XIRP2: variants seen among roughly 807,000 people sequenced by gnomAD.
XIRP2 encodes xin actin-binding repeat-containing protein 2.
A neutral mutation model predicts 277.0 loss-of-function variants in XIRP2; 236 were observed. That is an observed-to-expected ratio of 0.85 (90% CI 0.77 to 0.95). The LOEUF (loss-of-function observed/expected upper bound fraction) is 0.95, where lower values mean the gene tolerates loss of function less well. XIRP2 is among the 40% of genes least tolerant of loss of function. The pLI, the probability that XIRP2 is intolerant of heterozygous loss-of-function variation, is 0.00. For missense variants in XIRP2, 4,640 were observed against 4,157.5 expected (o/e 1.12, Z -3.19); for synonymous variants, 1,490 against 1,416.5 (o/e 1.05, Z -1.17).
At chr2:167,114,997 C>G (rs558912418) in intron 2 of XIRP2, among the ~76,000 whole-genome samples, 5 of 152,222 alleles carry the variant, frequency 3.3e-5, no homozygotes, top group Non-Finnish European at 7.4e-5. Flanking sequence ...ATTTCTAGTT[C>G]TAGATCCCTG....
intron 2 of XIRP2, among the ~76,000 whole-genome samples, chr2:166,972,672 T>G (rs1402436389): frequency 6.6e-6 from 1 of 152,118 alleles, no homozygotes; most frequent in African/African-American, 2.4e-5. Flanking sequence ...AAAGCAGTTA[T>G]TTGATGACAG....
Position 166,945,202 on chromosome 2 carries a change from T to C in XIRP2, c.408+41312T>C, listed in dbSNP as rs183799129. Among the ~76,000 whole-genome samples the C allele has an allele frequency of 3.3e-5, 5 of 152,278 alleles. No individual in the cohort carries two copies. In the East Asian group the frequency reaches 5.8e-4, roughly 18 times the overall value. ...TAGTAGGTTACCAAAGTAAGGAGTA[T>C]GAGAAAGTCTTCTGGGCAGACAAAA... On this transcript the variant is annotated intron_variant, in intron 2 of 10. Coordinates refer to ENST00000409195, the MANE Select transcript of XIRP2 (RefSeq NM_152381.6).
At position 167,258,855 on chromosome 2, in the gene XIRP2, C is replaced by T. The variant is rs753859739; in HGVS notation, c.*1038C>T. 1.9e-6 allele frequency: 3 copies of T among 1,613,160 alleles called. No individual in the cohort carries two copies. The highest frequency in any genetic ancestry group is 1.7e-6 in the Non-Finnish European group (2 of 1,179,586). On this transcript the variant is annotated 3_prime_UTR_variant, in exon 11 of 11. Coordinates refer to ENST00000409195, the MANE Select transcript of XIRP2 (RefSeq NM_152381.6). ...CTTGGTATATTTGAATCTGAAAAGA[C>T]TTATTCGAGGAATGTACTAGCAATG...
chr2:167,007,664 C>T (rs1476340788), intron 2 of XIRP2, among the ~76,000 whole-genome samples: 1 of 147,574 alleles, frequency 6.8e-6, no homozygotes. Flanking sequence ...ATACATATAT[C>T]TTACCCACAT....
At chr2:167,068,285 C>T (rs1191946266) in intron 2 of XIRP2, among the ~76,000 whole-genome samples, 2 of 152,118 alleles carry the variant, frequency 1.3e-5, no homozygotes. Context: ...CTCTATTTTT[C>T]CTTCTATGTT....
At chr2:167,115,492 G>A (rs9967718) in intron 2 of XIRP2, among the ~76,000 whole-genome samples, 44,830 of 152,036 alleles carry the variant, frequency 0.29, 9,090 homozygotes, top group African/African-American at 0.58. Flanking sequence ...TATTCCTTCA[G>A]TCTTTGAAGT....
intron 2 of XIRP2, among the ~76,000 whole-genome samples, chr2:166,988,239 A>C (rs978068850): frequency 2.0e-5 from 3 of 152,142 alleles, no homozygotes; most frequent in African/African-American, 7.2e-5. Flanking sequence ...TGTAAACTCA[A>C]TGTATTAAGA....
At chr2:167,223,695 T>C (rs1694500624) in intron 5 of XIRP2, among the ~76,000 whole-genome samples, 1 of 152,210 alleles carries the variant, frequency 6.6e-6, no homozygotes, top group African/African-American at 2.4e-5. Flanking sequence ...ACATAATTCT[T>C]CAAGGTCGTA....
At chr2:167,180,619 T>G (rs900632654) in intron 3 of XIRP2, among the ~76,000 whole-genome samples, 1 of 152,206 alleles carries the variant, frequency 6.6e-6, no homozygotes, top group African/African-American at 2.4e-5. Flanking sequence ...CCCTGAATCT[T>G]TTTGAGCACA....
rs1694997713 is a variant in XIRP2 at position 167,239,703 on chromosome 2, A to G, written c.859-152A>G. On this transcript the variant is annotated intron_variant, in intron 5 of 10. Transcript: ENST00000409195. Reference sequence around the variant, plus strand: ...TAAGATTATGCCATTTTAAGCCACTAAACTTGTGGTAATTTGTTATAGCAG... The same window carrying G: ...TAAGATTATGCCATTTTAAGCCACTGAACTTGTGGTAATTTGTTATAGCAG... 5 of 646,604 alleles carry G rather than the reference A, an allele frequency of 7.7e-6. No homozygotes were observed. In the East Asian group the frequency reaches 1.2e-4, roughly 16 times the overall value. 40.1% of individuals were successfully genotyped at this position (646,604 alleles called of 1,614,324 possible). A position where few individuals can be genotyped will look rare whatever the true frequency, so the allele number is the denominator to read the frequency against.
At chr2:167,177,541 A>G (rs1183573727) in intron 3 of XIRP2, among the ~76,000 whole-genome samples, 4 of 152,176 alleles carry the variant, frequency 2.6e-5, no homozygotes, top group African/African-American at 7.2e-5. Context: ...TTGCTTAACA[A>G]ATTCTCAATT....
Position 166,940,834 on chromosome 2 carries a change from T to A in XIRP2, c.408+36944T>A, listed in dbSNP as rs565403368. ...TTCATCTCAGAGGGGTACCTGGCCA[T>A]GTGGGGTGTCAGTCTGCCCCTACTT... On this transcript the variant is annotated intron_variant, in intron 2 of 10. Transcript: ENST00000409195. Among the ~76,000 whole-genome samples the A allele has an allele frequency of 1.2e-4, 19 of 152,270 alleles. No homozygotes were observed. In the East Asian group the frequency reaches 3.5e-3, roughly 28 times the overall value.
At chr2:167,020,059 T>C (rs1393475593) in intron 2 of XIRP2, among the ~76,000 whole-genome samples, 1 of 152,052 alleles carries the variant, frequency 6.6e-6, no homozygotes, top group Non-Finnish European at 1.5e-5. Flanking sequence ...ATGAAGACCA[T>C]AATCAAAACT....
Position 167,251,152 on chromosome 2 carries a change from G to C in XIRP2, c.9760G>C (p.Glu3254Gln). Residue 3254 changes from glutamate to glutamine, a missense_variant, in exon 9 of 11, where the codon GAA (glutamate) becomes CAA (glutamine). By Grantham distance (29) the Glu-to-Gln change is conservative (BLOSUM62 2). Coordinates refer to ENST00000409195, the MANE Select transcript of XIRP2 (RefSeq NM_152381.6). Reference protein sequence around the residue: ...INHAASGSFRESVDAQEEIRK... With the variant: ...INHAASGSFRQSVDAQEEIRK... ...TCATGCTGCTAGTGGTTCCTTCAGA[G>C]AATCTGTGGACGCTCAAGAGGAAAT... The C allele has an allele frequency of 6.2e-7, 1 of 1,613,466 alleles. No individual in the cohort carries two copies. Among genetic ancestry groups the C allele is most frequent in the Non-Finnish European group, 8.5e-7 (1 of 1,179,722 alleles).
chr2:167,253,363 G>A (rs1695569244), intron 9 of XIRP2, among the ~76,000 whole-genome samples: 1 of 151,670 alleles, frequency 6.6e-6, no homozygotes, highest in African/African-American at 2.4e-5. Flanking sequence ...AAGCAGATGC[G>A]AGAATCCAAA....
chr2:167,083,484 G>A (rs1689811531), intron 2 of XIRP2, among the ~76,000 whole-genome samples: 1 of 152,202 alleles, frequency 6.6e-6, no homozygotes, highest in Non-Finnish European at 1.5e-5. Context: ...TGTGAAGAAA[G>A]TCATTGGTAG....
At chr2:167,144,952 C>A (rs1691822636) in intron 3 of XIRP2, among the ~76,000 whole-genome samples, 1 of 152,088 alleles carries the variant, frequency 6.6e-6, no homozygotes, top group East Asian at 1.9e-4. Flanking sequence ...GTTTAAATAA[C>A]TGCTGCATTG....
intron 2 of XIRP2, among the ~76,000 whole-genome samples, chr2:167,129,535 A>C (rs184607710): frequency 6.6e-6 from 1 of 152,152 alleles, no homozygotes; most frequent in Non-Finnish European, 1.5e-5. Flanking sequence ...ATCTTAAAAA[A>C]TATTTTATCT....
intron 2 of XIRP2, among the ~76,000 whole-genome samples, chr2:167,119,544 G>A (rs920661818): frequency 4.6e-5 from 7 of 152,136 alleles, no homozygotes; most frequent in African/African-American, 1.7e-4. Flanking sequence ...GCCTATAAGT[G>A]ATTGTACCAG....
Sources: gnomAD v4.1 joint callset for allele counts (sites outside exome capture counted in the v4.1 genomes callset) on GRCh38, gnomAD v4.1.1 for gene constraint, MANE v1.5 for transcripts, NCBI Gene and HGNC (gene_info 2026-07-23, HGNC 2026-07-21) for gene names.